Variants in SLC35F1 observed in about 807,000 individuals in gnomAD.
SLC35F1 encodes the protein chromosome 6 open reading frame 169.
In SLC35F1, 14 loss-of-function variants were observed where a neutral mutation model predicts 48.7. The ratio of observed to expected loss-of-function variants is 0.29; its 90% CI spans 0.19 to 0.45. The LOEUF (loss-of-function observed/expected upper bound fraction) is 0.45. SLC35F1 is among the 20% of genes least tolerant of loss of function. SLC35F1 has a pLI of 1.00. For missense variants in SLC35F1, 404 were observed against 500.0 expected, an observed-to-expected ratio of 0.81 and a Z score of 1.83; for synonymous variants, 190 against 202.2, an observed-to-expected ratio of 0.94 and a Z score of 0.51.
intron 2 of SLC35F1, among the ~76,000 whole-genome samples, chr6:118,209,290 C>T (rs1185463044): frequency 1.3e-5 from 2 of 152,174 alleles, no homozygotes; most frequent in Non-Finnish European, 2.9e-5. Flanking sequence ...ATGCTTTTCT[C>T]TTGTCAGCCT....
intron 1 of SLC35F1, among the ~76,000 whole-genome samples, chr6:117,929,490 TAGAG>T (rs1245384766): frequency 6.7e-6 from 1 of 150,108 alleles, no homozygotes; most frequent in African/African-American, 2.5e-5. Flanking sequence ...TGTGTGTGTA[TAGAG>T]AGAGAGAGAC....
chr6:118,085,543 G>C (rs1772977250), intron 1 of SLC35F1, among the ~76,000 whole-genome samples: 1 of 116,852 alleles, frequency 8.6e-6, no homozygotes, highest in Non-Finnish European at 1.6e-5. Flanking sequence ...TGTCTCCCAG[G>C]CTGGAGTTCA....
chr6:118,226,549 T>C (rs968603512), intron 2 of SLC35F1, among the ~76,000 whole-genome samples: 1 of 152,016 alleles, frequency 6.6e-6, no homozygotes, highest in African/African-American at 2.4e-5. Context: ...AATCCTATCA[T>C]TTGCAACAAC....
chr6:118,179,849 A>T (rs2114508320), intron 2 of SLC35F1, among the ~76,000 whole-genome samples: 1 of 152,270 alleles, frequency 6.6e-6, no homozygotes, highest in Non-Finnish European at 1.5e-5. Flanking sequence ...TAACTGAGGC[A>T]TGTGACTGCT....
intron 1 of SLC35F1, among the ~76,000 whole-genome samples, chr6:117,935,666 A>G (rs1424584115): frequency 2.0e-5 from 3 of 152,188 alleles, no homozygotes; most frequent in South Asian, 2.1e-4. Context: ...GCATTTAAAC[A>G]GTGAAATCAC....
rs61550083 is a variant in SLC35F1 at position 118,012,916 on chromosome 6, A to AT, written c.173+105027dup. Among the ~76,000 whole-genome samples the AT allele has an allele frequency of 4.0e-3, 596 of 150,860 alleles. 5 individuals are homozygous for AT. Among genetic ancestry groups the AT allele is most frequent in the African/African-American group, 0.012 (477 of 41,096 alleles). On this transcript the variant is annotated intron_variant, in intron 1 of 7. Coordinates refer to ENST00000360388, the MANE Select transcript of SLC35F1 (RefSeq NM_001029858.4). ...GTTACTTGGAATTTGGATAGATGTG[A>AT]TTTTTTTTTTCTTTTTGAGCAATTT... is the stretch of plus-strand genomic sequence containing the variant.
rs1554216718 is a variant in SLC35F1, at chr6:117,923,694, C to CATATGTAT, written c.173+15799_173+15800insGTATATAT. On this transcript the variant is annotated intron_variant, in intron 1 of 7. Transcript: ENST00000360388. The stretch of plus-strand genomic sequence containing the variant: ...ATATATGTACATATATACATATGTA[C>CATATGTAT]ATATACATATATGTACATATATACA... 8.1e-4 allele frequency among the ~76,000 whole-genome samples: 11 copies of CATATGTAT among 13,518 alleles called. 1 individual carries two copies. Among genetic ancestry groups the CATATGTAT allele is most frequent in the Non-Finnish European group, 1.0e-3 (10 of 9,626 alleles). The allele number at this position is 13,518 out of a possible 152,430, so 8.9% of individuals were successfully genotyped here. A position where few individuals can be genotyped will look rare whatever the true frequency, so the allele number is the denominator to read the frequency against.
At chr6:117,958,430 C>G (rs1283939867) in intron 1 of SLC35F1, among the ~76,000 whole-genome samples, 1 of 152,210 alleles carries the variant, frequency 6.6e-6, no homozygotes, top group South Asian at 2.1e-4. Flanking sequence ...CATTCACCAA[C>G]CACTCACTCA....
chr6:118,252,795 A>G (rs773085570), intron 3 of SLC35F1, among the ~76,000 whole-genome samples: 3 of 152,164 alleles, frequency 2.0e-5, no homozygotes, highest in Non-Finnish European at 4.4e-5. Context: ...AGAGGAGAAC[A>G]AGGAGAATGT....
chr6:118,205,078 G>A (rs953231989), intron 2 of SLC35F1, among the ~76,000 whole-genome samples: 1 of 152,204 alleles, frequency 6.6e-6, no homozygotes, highest in Non-Finnish European at 1.5e-5. Flanking sequence ...GGCCGCAGAA[G>A]ATGTTACTCT....
At chr6:118,099,060 G>A (rs754007994) in intron 1 of SLC35F1, among the ~76,000 whole-genome samples, 11 of 152,186 alleles carry the variant, frequency 7.2e-5, no homozygotes, top group Admixed American at 7.2e-4. Flanking sequence ...TACATGAAGG[G>A]GAATTCAGAA....
intron 1 of SLC35F1, among the ~76,000 whole-genome samples, chr6:117,923,702 T>TGTATGTAC (rs1775957766): frequency 5.7e-5 from 1 of 17,470 alleles, no homozygotes; most frequent in Non-Finnish European, 1.3e-4. Flanking sequence ...TACATATACA[T>TGTATGTAC]ATATGTACAT....
At chr6:118,269,418 T>C (rs1320124570) in intron 4 of SLC35F1, among the ~76,000 whole-genome samples, 4 of 152,138 alleles carry the variant, frequency 2.6e-5, no homozygotes, top group East Asian at 1.9e-4. Context: ...CCCAAGTACA[T>C]AGAATGATGT....
chr6:118,111,149 A>G (rs1479526880), intron 1 of SLC35F1, among the ~76,000 whole-genome samples: 2 of 152,208 alleles, frequency 1.3e-5, no homozygotes, highest in East Asian at 3.8e-4. Flanking sequence ...GGGAAAAGAA[A>G]GACAAAAAGT....
At chr6:117,954,248 G>T (rs964609841) in intron 1 of SLC35F1, among the ~76,000 whole-genome samples, 49 of 151,806 alleles carry the variant, frequency 3.2e-4, no homozygotes, top group Admixed American at 3.2e-3. Flanking sequence ...ACAAGAGTTT[G>T]TTTTTTTTCT....
intron 7 of SLC35F1, among the ~76,000 whole-genome samples, chr6:118,309,361 T>C (rs961196961): frequency 6.6e-6 from 1 of 152,028 alleles, no homozygotes; most frequent in African/African-American, 2.4e-5. Flanking sequence ...AAAAGCTGTA[T>C]TACACAGAGA....
intron 1 of SLC35F1, among the ~76,000 whole-genome samples, chr6:117,944,778 G>A (rs1776274533): frequency 6.6e-6 from 1 of 152,144 alleles, no homozygotes; most frequent in South Asian, 2.1e-4. Context: ...CAGTTTTAAG[G>A]AGTAATTTGT....
chr6:118,244,875 G>A (rs906786667), intron 3 of SLC35F1, among the ~76,000 whole-genome samples: 6 of 152,258 alleles, frequency 3.9e-5, no homozygotes, highest in African/African-American at 1.4e-4. Context: ...TATATCAAAC[G>A]TTTGAAAATA....
chr6:118,037,740 A>T (rs1772154670), intron 1 of SLC35F1, among the ~76,000 whole-genome samples: 1 of 151,996 alleles, frequency 6.6e-6, no homozygotes, highest in African/African-American at 2.4e-5. Flanking sequence ...GAAGCTGAAA[A>T]CCATCATTCT....
Sources: gnomAD v4.1 joint callset for allele counts (sites outside exome capture counted in the v4.1 genomes callset) on GRCh38, gnomAD v4.1.1 for gene constraint, MANE v1.5 for transcripts, NCBI Gene and HGNC (gene_info 2026-07-23, HGNC 2026-07-21) for gene names.